Variants in ADGRB3 observed in about 807,000 individuals in gnomAD.
ADGRB3 encodes brain-specific angiogenesis inhibitor 3.
In ADGRB3, 37 loss-of-function variants were observed where a neutral mutation model predicts 193.4. That is an observed-to-expected ratio of 0.19 (90% CI 0.15 to 0.25). ADGRB3 has a LOEUF of 0.25. Among genes scored for constraint, ADGRB3 ranks in the 10% least tolerant of loss-of-function variants. The pLI, the probability that ADGRB3 is intolerant of heterozygous loss-of-function variation, is 1.00. For synonymous variants in ADGRB3, 690 were observed against 644.2 expected, an observed-to-expected ratio of 1.07 and a Z score of -1.08; for missense variants, 1,637 against 1,852.9, an observed-to-expected ratio of 0.88 and a Z score of 2.14.
At chr6:68,893,718 A>G (rs1318727043) in intron 3 of ADGRB3, among the ~76,000 whole-genome samples, 1 of 152,012 alleles carries the variant, frequency 6.6e-6, no homozygotes, top group African/African-American at 2.4e-5. Context: ...ATTAATGCTA[A>G]CTTATTTCCA....
At chr6:69,026,705 G>T (rs527858815) in intron 13 of ADGRB3, among the ~76,000 whole-genome samples, 3 of 152,138 alleles carry the variant, frequency 2.0e-5, no homozygotes, top group Non-Finnish European at 4.4e-5. Flanking sequence ...AGGCTACAGG[G>T]TATAGCCTAT....
intron 20 of ADGRB3, among the ~76,000 whole-genome samples, chr6:69,281,559 G>A (rs972292395): frequency 3.3e-5 from 5 of 152,124 alleles, no homozygotes; most frequent in African/African-American, 1.2e-4. Context: ...GATCAGGAGG[G>A]TCTAAGCTTT....
intron 3 of ADGRB3, among the ~76,000 whole-genome samples, chr6:68,907,806 C>T (rs924725698): frequency 6.6e-6 from 1 of 151,798 alleles, no homozygotes; most frequent in Non-Finnish European, 1.5e-5. Flanking sequence ...CCAGATGTTG[C>T]TCTCTGTGTT....
chr6:69,031,064 CT>C (rs1770655333), intron 13 of ADGRB3, among the ~76,000 whole-genome samples: 1 of 49,332 alleles, frequency 2.0e-5, no homozygotes, highest in Non-Finnish European at 4.9e-5. Context: ...CTCTTCTCTT[CT>C]CTTCTCTTCT....
intron 17 of ADGRB3, among the ~76,000 whole-genome samples, chr6:69,208,372 A>G (rs147665897): frequency 6.6e-6 from 1 of 152,304 alleles, no homozygotes; most frequent in East Asian, 1.9e-4. Context: ...CAGTGTTCCA[A>G]TCATGCTTCT....
At chr6:69,024,821 G>A (rs976609440) in intron 13 of ADGRB3, among the ~76,000 whole-genome samples, 2 of 152,108 alleles carry the variant, frequency 1.3e-5, no homozygotes, top group East Asian at 1.9e-4. Flanking sequence ...GACCGGGCAC[G>A]GTGGCTCACG....
intron 13 of ADGRB3, among the ~76,000 whole-genome samples, chr6:69,031,614 CCT>C (rs1770711811): frequency 8.3e-6 from 1 of 120,906 alleles, no homozygotes; most frequent in Non-Finnish European, 1.7e-5. Context: ...TCCTTTCTTT[CCT>C]TTTTTTCTTT....
rs546999344 is a variant in ADGRB3, at chr6:68,910,670, G to C, written c.758-19889G>C. On this transcript the variant is annotated intron_variant, in intron 3 of 31. Transcript: ENST00000370598. ...CCATTTATTAAATAGGGAATCCTTT[G>C]CCCATTTCTTGTTTTTGTCATGTTT... 4.2e-4 allele frequency among the ~76,000 whole-genome samples: 64 copies of C among 152,170 alleles called. No homozygotes were observed. In the East Asian group the frequency reaches 4.8e-3, roughly 11 times the overall value.
intron 3 of ADGRB3, among the ~76,000 whole-genome samples, chr6:68,907,293 T>C (rs1027317889): frequency 7.2e-5 from 11 of 152,124 alleles, no homozygotes; most frequent in South Asian, 2.1e-4. Flanking sequence ...TTATTAATTC[T>C]ACTGGTTTTA....
At chr6:68,825,367 C>T (rs1448469817) in intron 3 of ADGRB3, among the ~76,000 whole-genome samples, 1 of 152,012 alleles carries the variant, frequency 6.6e-6, no homozygotes, top group Non-Finnish European at 1.5e-5. Context: ...CTCACAGGTA[C>T]CCAAGAACAC....
intron 3 of ADGRB3, among the ~76,000 whole-genome samples, chr6:68,767,596 C>T (rs927399625): frequency 1.3e-5 from 2 of 152,106 alleles, no homozygotes; most frequent in African/African-American, 2.4e-5. Flanking sequence ...ATTGAATGGG[C>T]AAAAGCTGGA....
intron 13 of ADGRB3, among the ~76,000 whole-genome samples, chr6:69,041,133 C>T (rs777701633): frequency 3.3e-5 from 5 of 152,146 alleles, no homozygotes; most frequent in Non-Finnish European, 7.3e-5. Flanking sequence ...CTACATGTTA[C>T]TCTCCAGCAA....
chr6:68,963,313 C>T (rs1768285523), intron 8 of ADGRB3, among the ~76,000 whole-genome samples: 1 of 152,118 alleles, frequency 6.6e-6, no homozygotes. Context: ...AGTGGCAGTT[C>T]ATGTACTCTG....
intron 4 of ADGRB3, among the ~76,000 whole-genome samples, chr6:68,932,463 G>A (rs184021136): frequency 1.1e-4 from 17 of 152,108 alleles, no homozygotes; most frequent in Admixed American, 3.3e-4. Flanking sequence ...ATTTCAAAAT[G>A]ATGAATAATA....
In ADGRB3 at chr6:68,817,303, C is replaced by CAA. The variant is rs1767649039; in HGVS notation, c.758-113256_758-113255insAA. ...AAAGGTATTTATTATTCCCTTTTGT[C>CAA]CATGTATATATATATATATATATAT... is the stretch of plus-strand genomic sequence containing the variant. On this transcript the variant is annotated intron_variant, in intron 3 of 31. Transcript: ENST00000370598. Among the ~76,000 whole-genome samples the CAA allele has an allele frequency of 7.3e-4, 24 of 32,724 alleles. 4 individuals carry two copies. The highest frequency in any genetic ancestry group is 0.1 in the Middle Eastern group (2 of 20). The allele number at this position is 32,724 out of a possible 152,430, so 21.5% of individuals were successfully genotyped here.
chr6:68,759,229 T>C (rs1416935138), intron 3 of ADGRB3, among the ~76,000 whole-genome samples: 2 of 152,134 alleles, frequency 1.3e-5, no homozygotes, highest in Non-Finnish European at 2.9e-5. Context: ...AGTGTATACA[T>C]AGCCATTCAC....
intron 16 of ADGRB3, among the ~76,000 whole-genome samples, chr6:69,070,053 C>A (rs896227512): frequency 6.6e-6 from 1 of 152,124 alleles, no homozygotes; most frequent in Non-Finnish European, 1.5e-5. Flanking sequence ...AACGATGTGA[C>A]AGAAAAATTC....
At chr6:68,966,879 C>T (rs758010457) in intron 8 of ADGRB3, among the ~76,000 whole-genome samples, 2 of 152,012 alleles carry the variant, frequency 1.3e-5, no homozygotes, top group African/African-American at 2.4e-5. Flanking sequence ...TAGAAAGATC[C>T]CACTACTGGG....
intron 3 of ADGRB3, among the ~76,000 whole-genome samples, chr6:68,734,893 C>A (rs894915996): frequency 1.3e-5 from 2 of 151,890 alleles, no homozygotes; most frequent in African/African-American, 4.8e-5. Flanking sequence ...GAAAGGACCT[C>A]CTACTGAAAG....
Sources: gnomAD v4.1 joint callset for allele counts (sites outside exome capture counted in the v4.1 genomes callset) on GRCh38, gnomAD v4.1.1 for gene constraint, MANE v1.5 for transcripts, NCBI Gene and HGNC (gene_info 2026-07-23, HGNC 2026-07-21) for gene names.